The following PEX5L variants were observed in gnomAD, a reference collection of about 807,000 sequenced individuals.
PEX5L encodes the protein PEX5-related protein.
A neutral mutation model predicts 84.0 loss-of-function variants in PEX5L; 30 were observed. That is an observed-to-expected ratio of 0.36 (90% CI 0.27 to 0.48). The LOEUF (loss-of-function observed/expected upper bound fraction) is 0.48. Ranked by LOEUF, PEX5L falls within the 20% of genes least tolerant of loss-of-function variation. The pLI is 0.99. For synonymous variants in PEX5L, 270 were observed against 283.1 expected (o/e 0.95, Z 0.46); for missense variants, 533 against 754.6 (o/e 0.71, Z 3.44).
intron 1 of PEX5L, among the ~76,000 whole-genome samples, chr3:180,014,171 G>A (rs911252695): frequency 2.0e-5 from 3 of 152,184 alleles, no homozygotes; most frequent in Non-Finnish European, 4.4e-5. Flanking sequence ...AGCTGAGGAA[G>A]GAACTATCCT....
chr3:179,914,016 T>C (rs1766114045), intron 2 of PEX5L, among the ~76,000 whole-genome samples: 1 of 152,230 alleles, frequency 6.6e-6, no homozygotes, highest in Non-Finnish European at 1.5e-5. Context: ...ATATGATATT[T>C]GTGACTGCAC....
rs779908708 is a variant in PEX5L at position 179,815,924 on chromosome 3, C to G, written c.1020G>C (p.Gly340=). The G allele has an allele frequency of 1.2e-6, 2 of 1,614,094 alleles. No homozygotes were observed. The highest frequency in any genetic ancestry group is 4.5e-5 in the East Asian group (2 of 44,882). ...TGAACAGGATGGTGACTGGCAGATCCCCTTCCTTCAGCCTTTTTAAGCCTT... is the reference window on the plus strand; with the variant it reads ...TGAACAGGATGGTGACTGGCAGATCGCCTTCCTTCAGCCTTTTTAAGCCTT... ...FEEGLKRLKE[G]DLPVTILFME... Residue 340 remains glycine, a synonymous_variant, in exon 10 of 15, where the codon GGG becomes GGC. Coordinates refer to ENST00000467460, the MANE Select transcript of PEX5L (RefSeq NM_016559.3).
intron 1 of PEX5L, among the ~76,000 whole-genome samples, chr3:180,007,503 C>T (rs909177117): frequency 6.6e-6 from 1 of 152,216 alleles, no homozygotes; most frequent in African/African-American, 2.4e-5. Context: ...TTAGGCAGTG[C>T]CCCAGTAGGG....
chr3:179,858,933 A>G, intron 8 of PEX5L, 129 bp downstream of exon 8: 1 of 639,014 alleles, frequency 1.6e-6, no homozygotes, highest in Non-Finnish European at 2.8e-6. Flanking sequence ...TCATTTTGAC[A>G]ATCATAATCA....
At chr3:180,011,582 A>G (rs1789491846) in intron 1 of PEX5L, among the ~76,000 whole-genome samples, 1 of 152,204 alleles carries the variant, frequency 6.6e-6, no homozygotes, top group Admixed American at 6.5e-5. Context: ...AAAAACGTGG[A>G]AAAAAGGAGC....
At chr3:179,858,641 C>T (rs762745922) in intron 8 of PEX5L, among the ~76,000 whole-genome samples, 5 of 152,256 alleles carry the variant, frequency 3.3e-5, no homozygotes, top group Admixed American at 6.5e-5. Flanking sequence ...ATATATCACA[C>T]GGGCAGCAAG....
intron 3 of PEX5L, among the ~76,000 whole-genome samples, chr3:179,892,613 G>C (rs561461779): frequency 9.2e-5 from 14 of 152,236 alleles, no homozygotes; most frequent in African/African-American, 2.4e-4. Context: ...AATTCACAGA[G>C]AGGTCAGTGG....
At chr3:179,959,357 G>T (rs1264834297) in intron 2 of PEX5L, among the ~76,000 whole-genome samples, 2 of 152,134 alleles carry the variant, frequency 1.3e-5, no homozygotes. Context: ...AAATGCTCCT[G>T]GGAGCCCTTG....
intron 2 of PEX5L, among the ~76,000 whole-genome samples, chr3:179,924,564 T>C (rs114456261): frequency 0.048 from 7,277 of 152,278 alleles, 215 homozygotes; most frequent in Non-Finnish European, 0.069. Flanking sequence ...ATCCTTATCA[T>C]GACCTAGAAA....
intron 10 of PEX5L, among the ~76,000 whole-genome samples, chr3:179,814,626 A>T (rs1218834866): frequency 6.6e-6 from 1 of 152,230 alleles, no homozygotes; most frequent in Non-Finnish European, 1.5e-5. Context: ...AAACCATTAT[A>T]TTGACACTAT....
intron 1 of PEX5L, among the ~76,000 whole-genome samples, chr3:179,978,855 C>G (rs1021398428): frequency 6.6e-6 from 1 of 152,158 alleles, no homozygotes; most frequent in African/African-American, 2.4e-5. Context: ...CAGTCAAAAG[C>G]TAGTGAGCAA....
At chr3:179,854,364 A>T (rs2108489220) in intron 8 of PEX5L, among the ~76,000 whole-genome samples, 1 of 152,148 alleles carries the variant, frequency 6.6e-6, no homozygotes, top group Non-Finnish European at 1.5e-5. Flanking sequence ...TCAGCCAAAA[A>T]CTTAGTCGAT....
intron 7 of PEX5L, among the ~76,000 whole-genome samples, chr3:179,864,689 C>T (rs1399188607): frequency 2.6e-5 from 4 of 151,812 alleles, no homozygotes; most frequent in African/African-American, 9.7e-5. Context: ...TTAAGTATTC[C>T]CACTATAAAA....
chr3:179,838,420 T>G (rs1302665358), intron 8 of PEX5L, among the ~76,000 whole-genome samples: 1 of 152,222 alleles, frequency 6.6e-6, no homozygotes, highest in Non-Finnish European at 1.5e-5. Context: ...AATGGTGACC[T>G]TTACTATAGC....
intron 8 of PEX5L, among the ~76,000 whole-genome samples, chr3:179,834,661 G>C (rs1029803897): frequency 6.6e-6 from 1 of 152,132 alleles, no homozygotes; most frequent in Non-Finnish European, 1.5e-5. Context: ...TTGTGAATAT[G>C]TAAGAGTCAT....
At chr3:180,009,493 CAG>C (rs776181286) in intron 1 of PEX5L, among the ~76,000 whole-genome samples, 1 of 151,874 alleles carries the variant, frequency 6.6e-6, no homozygotes, top group African/African-American at 2.4e-5. Context: ...AAAATAAAAA[CAG>C]AGGAAAGTCA....
intron 1 of PEX5L, among the ~76,000 whole-genome samples, chr3:179,995,028 C>T (rs1787733966): frequency 6.7e-6 from 1 of 148,862 alleles, no homozygotes; most frequent in South Asian, 2.1e-4. Flanking sequence ...TGAGTTAATA[C>T]TTAATAAACT....
intron 3 of PEX5L, among the ~76,000 whole-genome samples, chr3:179,897,534 T>C (rs1759768809): frequency 6.6e-6 from 1 of 152,118 alleles, no homozygotes; most frequent in Non-Finnish European, 1.5e-5. Context: ...TCTCATGTGC[T>C]TATAATAGAG....
intron 11 of PEX5L, among the ~76,000 whole-genome samples, chr3:179,809,965 C>A (rs1195078682): frequency 7.2e-6 from 1 of 138,414 alleles, no homozygotes; most frequent in East Asian, 2.2e-4. Flanking sequence ...CTAATGAGAT[C>A]TCATGAGAAA....
Sources: gnomAD v4.1 joint callset for allele counts (sites outside exome capture counted in the v4.1 genomes callset) on GRCh38, gnomAD v4.1.1 for gene constraint, MANE v1.5 for transcripts, NCBI Gene and HGNC (gene_info 2026-07-23, HGNC 2026-07-21) for gene names.